The following BRCC3 variants were observed in gnomAD, a reference collection of about 807,000 sequenced individuals.
The protein encoded by BRCC3 is BRCA1/BRCA2-containing complex subunit 3.
In BRCC3, 15 loss-of-function variants were observed where a neutral mutation model predicts 28.0. That is an observed-to-expected ratio of 0.54 (90% CI 0.36 to 0.82). The LOEUF (loss-of-function observed/expected upper bound fraction) is 0.82, where lower values mean the gene tolerates loss of function less well. Ranked by LOEUF, BRCC3 falls within the 40% of genes least tolerant of loss-of-function variation. The probability of loss-of-function intolerance (pLI) is 0.01; values close to 1 mark genes in which losing one functional copy is unlikely to be tolerated. For missense variants in BRCC3, 109 were observed against 225.9 expected (o/e 0.48, Z 3.32); for synonymous variants, 66 against 80.3 (o/e 0.82, Z 0.95).
At chrX:155,083,182 G>A (rs938848868) in intron 5 of BRCC3, among the ~76,000 whole-genome samples, 1 of 112,415 alleles carries the variant, frequency 8.9e-6, no homozygotes, top group Non-Finnish European at 1.9e-5. Context: ...AACAGATACC[G>A]AGGACTTGGC....
At chrX:155,116,780 G>C (rs1557298866) in intron 9 of BRCC3, 26 bp downstream of exon 9, 2 of 1,097,761 alleles carry the variant, frequency 1.8e-6, no homozygotes, top group South Asian at 2.0e-5. Context: ...TGAGTACTCA[G>C]CATTTTTTCT....
intron 10 of BRCC3, among the ~76,000 whole-genome samples, chrX:155,120,399 G>A (rs1337619388): frequency 8.9e-6 from 1 of 111,865 alleles, no homozygotes; most frequent in African/African-American, 3.2e-5. Context: ...GGCTATGAGT[G>A]GTACAATGGC....
chrX:155,088,336 T>C (rs958086774), intron 5 of BRCC3, among the ~76,000 whole-genome samples: 1 of 110,202 alleles, frequency 9.1e-6, no homozygotes, highest in African/African-American at 3.3e-5. Context: ...AAATTTAGCC[T>C]CTGTTTAGTT....
In BRCC3 at chrX:155,077,198, A is replaced by G. The variant is rs1569560445; in HGVS notation, c.224A>G (p.His75Arg). The change falls in exon 4 of 11, where the codon CAT (histidine) becomes CGT (arginine). Residue 75 changes from histidine to arginine, a missense_variant. Physicochemically the swap from His to Arg is conservative, Grantham distance 29 (BLOSUM62 0). Transcript: ENST00000330045. ...KVDAVRIVHIHSVIILRRSDK... is the reference protein window; with the variant it reads ...KVDAVRIVHIRSVIILRRSDK... ...GATGCCGTCAGAATTGTTCACATTC[A>G]TTCTGTCATCATCTTACGACGTTCT... The G allele has an allele frequency of 2.5e-6, 3 of 1,189,294 alleles. No homozygotes were observed. The highest frequency in any genetic ancestry group is 3.4e-6 in the Non-Finnish European group (3 of 881,723).
chrX:155,117,779 G>T (rs1460131787), intron 9 of BRCC3, among the ~76,000 whole-genome samples: 1 of 111,786 alleles, frequency 8.9e-6, no homozygotes, highest in African/African-American at 3.3e-5. Flanking sequence ...AAAAAAGCAT[G>T]AATTATTTAC....
intron 6 of BRCC3, 37 bp from the exon 7 acceptor site, chrX:155,090,747 T>C (rs1469668021): frequency 9.2e-7 from 1 of 1,091,660 alleles, no homozygotes; most frequent in Non-Finnish European, 1.3e-6. Flanking sequence ...AATCTTTCTT[T>C]GTGTGATATT....
At chrX:155,085,096 C>G (rs2074113244) in intron 5 of BRCC3, among the ~76,000 whole-genome samples, 1 of 112,512 alleles carries the variant, frequency 8.9e-6, no homozygotes, top group Admixed American at 9.4e-5. Context: ...AGGTCTGCCA[C>G]TTCACAGGAA....
chrX:155,076,174 G>T (rs1163997291), intron 3 of BRCC3, among the ~76,000 whole-genome samples: 1 of 111,641 alleles, frequency 9.0e-6, no homozygotes, highest in Non-Finnish European at 1.9e-5. Context: ...ACTTCGAGAG[G>T]TCGAGGCAGG....
chrX:155,075,302 T>TGTTTTGC (rs2074027547), intron 3 of BRCC3, among the ~76,000 whole-genome samples: 4 of 46,183 alleles, frequency 8.7e-5, no homozygotes, highest in Non-Finnish European at 1.3e-4. Context: ...CCCTGGCCCT[T>TGTTTTGC]CTTGTTCTTC....
At position 155,077,078 on chromosome X, in the gene BRCC3, C is replaced by G. The variant is rs1312048365; in HGVS notation, c.196-92C>G. On this transcript the variant is annotated intron_variant, in intron 3 of 10. Transcript: ENST00000330045. ...AGTTTTCTAAAATGGAATATTTTATCTGATATTATAATAAAATGCAATTCT... is the reference window on the plus strand; with the variant it reads ...AGTTTTCTAAAATGGAATATTTTATGTGATATTATAATAAAATGCAATTCT... 41 of 788,671 alleles carry G rather than the reference C, an allele frequency of 5.2e-5. No individual in the cohort carries two copies. In the East Asian group the frequency reaches 2.0e-3, roughly 39 times the overall value. The allele number at this position is 788,671 out of a possible 1,213,427, so 65.0% of individuals were successfully genotyped here.
At position 155,120,165 on chromosome X, in the gene BRCC3, TG is replaced by T; in HGVS notation, c.*18+1del. On this transcript the variant is annotated splice_region_variant and 3_prime_UTR_variant, in exon 10 of 11. Coordinates refer to ENST00000330045, the MANE Select transcript of BRCC3 (RefSeq NM_001018055.3). ...CTCTAGAATAAATCAGGAGACAAAA[TG>T]GGGTAAAAAACTTCTTTTTCAATTT... 8.4e-7 allele frequency: 1 copy of T among 1,194,249 alleles called. No individual in the cohort carries two copies. Among genetic ancestry groups the T allele is most frequent in the Middle Eastern group, 2.3e-4 (1 of 4,271 alleles).
In BRCC3 at chrX:155,116,037, C is replaced by G; in HGVS notation, c.549-20C>G. ...AACAACTCAGGGTTTAAAAACTGAC[C>G]TGAACTGATTGCCTCACAGGTATGA... On this transcript the variant is annotated intron_variant, in intron 7 of 10. Coordinates refer to ENST00000330045, the MANE Select transcript of BRCC3 (RefSeq NM_001018055.3). The G allele has an allele frequency of 8.3e-7, 1 of 1,203,840 alleles. No homozygotes were observed.
chrX:155,085,499 C>T (rs1460179618), intron 5 of BRCC3, among the ~76,000 whole-genome samples: 2 of 112,003 alleles, frequency 1.8e-5, no homozygotes, highest in Non-Finnish European at 3.8e-5. Context: ...AATCCGTAAC[C>T]TGCTTTCTTC....
chrX:155,081,702 G>A (rs2074086765), intron 5 of BRCC3, among the ~76,000 whole-genome samples: 1 of 112,023 alleles, frequency 8.9e-6, no homozygotes, highest in South Asian at 3.7e-4. Context: ...GAGGGAGAGT[G>A]ACGTGACCAT....
At chrX:155,116,218 C>T (rs1034501059) in intron 8 of BRCC3, 30 bp downstream of exon 8, 5 of 1,144,594 alleles carry the variant, frequency 4.4e-6, no homozygotes, top group Non-Finnish European at 5.8e-6. Flanking sequence ...CTCTTCTCTA[C>T]TTCTCAGGAC....
intron 5 of BRCC3, among the ~76,000 whole-genome samples, chrX:155,087,662 G>A (rs952990453): frequency 8.9e-6 from 1 of 111,878 alleles, no homozygotes; most frequent in Non-Finnish European, 1.9e-5. Context: ...AGAGTGGGAA[G>A]ATGAGAAGGA....
At chrX:155,099,749 G>A (rs1376335459) in intron 7 of BRCC3, among the ~76,000 whole-genome samples, 1 of 111,680 alleles carries the variant, frequency 9.0e-6, no homozygotes, top group African/African-American at 3.3e-5. Context: ...TTTTAGGTAT[G>A]CCTCTTATAA....
intron 7 of BRCC3, among the ~76,000 whole-genome samples, chrX:155,113,880 C>G (rs782364964): frequency 1.8e-5 from 2 of 111,575 alleles, no homozygotes; most frequent in Non-Finnish European, 3.8e-5. Flanking sequence ...TTCAATATCA[C>G]TAATTGTCAG....
intron 3 of BRCC3, among the ~76,000 whole-genome samples, chrX:155,073,684 T>A (rs1557292967): frequency 8.9e-6 from 1 of 111,854 alleles, no homozygotes; most frequent in African/African-American, 3.3e-5. Context: ...TCACTGCCTG[T>A]TTTCTGGCCC....
Sources: gnomAD v4.1 joint callset for allele counts (sites outside exome capture counted in the v4.1 genomes callset) on GRCh38, gnomAD v4.1.1 for gene constraint, MANE v1.5 for transcripts, NCBI Gene and HGNC (gene_info 2026-07-23, HGNC 2026-07-21) for gene names.